Variants in FTO observed in about 807,000 individuals in gnomAD.
FTO encodes the protein FTO alpha-ketoglutarate dependent dioxygenase.
Under a neutral mutation model 63.9 loss-of-function variants are expected in FTO, and 47 were observed. The observed-to-expected ratio is 0.74, with a 90% CI of 0.58 to 0.94. The LOEUF (loss-of-function observed/expected upper bound fraction) is 0.94. Ranked by LOEUF, FTO falls within the 40% of genes least tolerant of loss-of-function variation. The pLI, the probability that FTO is intolerant of heterozygous loss-of-function variation, is 0.00. For synonymous variants in FTO, 207 were observed against 224.4 expected (o/e 0.92, Z 0.69); for missense variants, 562 against 618.1 (o/e 0.91, Z 0.96).
intron 1 of FTO, among the ~76,000 whole-genome samples, chr16:53,799,688 G>A (rs1255447614): frequency 6.6e-6 from 1 of 152,124 alleles, no homozygotes; most frequent in African/African-American, 2.4e-5. Flanking sequence ...ACTTAGCCGA[G>A]GTCTTTTCAC....
At chr16:53,974,430 A>T (rs1008330262) in intron 8 of FTO, among the ~76,000 whole-genome samples, 10 of 152,214 alleles carry the variant, frequency 6.6e-5, no homozygotes, top group Non-Finnish European at 1.2e-4. Flanking sequence ...TGGCTAATAA[A>T]AACATCAAGA....
chr16:53,747,665 T>C (rs2076680645), intron 1 of FTO, among the ~76,000 whole-genome samples: 1 of 152,204 alleles, frequency 6.6e-6, no homozygotes, highest in Admixed American at 6.5e-5. Flanking sequence ...AAGCTTTTTA[T>C]TTTGATGTAA....
intron 1 of FTO, among the ~76,000 whole-genome samples, chr16:53,714,629 A>G (rs2075850407): frequency 6.6e-6 from 1 of 152,162 alleles, no homozygotes; most frequent in Non-Finnish European, 1.5e-5. Flanking sequence ...CTTGTTATTT[A>G]GGTAAATAGT....
chr16:53,904,382 G>A (rs1263516994), intron 7 of FTO, among the ~76,000 whole-genome samples: 1 of 152,170 alleles, frequency 6.6e-6, no homozygotes, highest in South Asian at 2.1e-4. Flanking sequence ...CTTTACCCAG[G>A]CTCCATTCTG....
At chr16:54,060,349 G>A (rs73621717) in intron 8 of FTO, among the ~76,000 whole-genome samples, 368 of 152,284 alleles carry the variant, frequency 2.4e-3, no homozygotes, top group African/African-American at 8.1e-3. Context: ...TGAGTGGCTG[G>A]CCCCAAAATA....
At chr16:54,024,749 A>T (rs1315493783) in intron 8 of FTO, among the ~76,000 whole-genome samples, 2 of 152,190 alleles carry the variant, frequency 1.3e-5, no homozygotes, top group Non-Finnish European at 2.9e-5. Flanking sequence ...TTATATATTT[A>T]AATATCAGGG....
intron 8 of FTO, among the ~76,000 whole-genome samples, chr16:54,054,243 G>A (rs1209350142): frequency 6.6e-6 from 1 of 152,118 alleles, no homozygotes; most frequent in Admixed American, 6.5e-5. Context: ...TAGCATTAGA[G>A]AAATTAACTC....
intron 1 of FTO, among the ~76,000 whole-genome samples, chr16:53,704,669 TGTGTCTTTTAG>T (rs1044907696): frequency 3.9e-5 from 6 of 152,194 alleles, no homozygotes; most frequent in Non-Finnish European, 1.5e-5. Context: ...GATAACAGTT[TGTGTCTTTTAG>T]CGCTGTGGAT....
chr16:53,842,206 A>G (rs2079497445), intron 3 of FTO, among the ~76,000 whole-genome samples: 1 of 152,184 alleles, frequency 6.6e-6, no homozygotes, highest in Admixed American at 6.5e-5. Context: ...TCTGCCCTGG[A>G]AGATCAGAGT....
At chr16:53,994,945 G>A (rs1381781478) in intron 8 of FTO, among the ~76,000 whole-genome samples, 1 of 152,122 alleles carries the variant, frequency 6.6e-6, no homozygotes, top group Non-Finnish European at 1.5e-5. Context: ...TGTTGGCCAG[G>A]CTGGTCTCAA....
chr16:53,960,889 G>A (rs1292512880), intron 8 of FTO, among the ~76,000 whole-genome samples: 2 of 152,100 alleles, frequency 1.3e-5, no homozygotes, highest in African/African-American at 4.8e-5. Flanking sequence ...ATCTATGGGT[G>A]GCATGGTTTC....
chr16:53,849,335 GA>G (rs1338028975), intron 4 of FTO, among the ~76,000 whole-genome samples: 5 of 152,210 alleles, frequency 3.3e-5, no homozygotes, highest in South Asian at 2.1e-4. Flanking sequence ...GACTTGTGAA[GA>G]GTGGGAACTG....
chr16:54,097,055 A>G (rs1422126855), intron 8 of FTO, among the ~76,000 whole-genome samples: 1 of 152,218 alleles, frequency 6.6e-6, no homozygotes, highest in Non-Finnish European at 1.5e-5. Flanking sequence ...TTGCTGCCCT[A>G]GTAGTGAGGA....
intron 2 of FTO, among the ~76,000 whole-genome samples, chr16:53,816,167 G>A (rs11075994): frequency 0.27 from 41,676 of 151,870 alleles, 6,397 homozygotes; most frequent in Non-Finnish European, 0.34. Flanking sequence ...AACACTACAT[G>A]TTCTGTGAAG....
intron 8 of FTO, among the ~76,000 whole-genome samples, chr16:54,073,511 C>T (rs1363917635): frequency 6.6e-6 from 1 of 151,700 alleles, no homozygotes; most frequent in African/African-American, 2.4e-5. Context: ...TAAAATAGTC[C>T]CCGAGAAAGG....
chr16:54,083,662 C>T (rs1306436112), intron 8 of FTO, among the ~76,000 whole-genome samples: 1 of 152,234 alleles, frequency 6.6e-6, no homozygotes, highest in Admixed American at 6.5e-5. Flanking sequence ...TTTTTACACA[C>T]GACACCGCCC....
chr16:53,934,818 C>T (rs539065364), intron 8 of FTO, among the ~76,000 whole-genome samples: 18 of 152,124 alleles, frequency 1.2e-4, no homozygotes, highest in Non-Finnish European at 1.9e-4. Flanking sequence ...TAAGGTTCGC[C>T]GTTGACCAAA....
intron 8 of FTO, chr16:53,935,578 A>G (rs1037207910): frequency 1.3e-5 from 2 of 152,042 alleles, no homozygotes; most frequent in Admixed American, 1.3e-4. Context: ...TTAGAAAAAA[A>G]TGTTTATAAA....
At chr16:54,078,939 T>C (rs965799576) in intron 8 of FTO, among the ~76,000 whole-genome samples, 11 of 152,152 alleles carry the variant, frequency 7.2e-5, no homozygotes, top group Non-Finnish European at 1.2e-4. Context: ...AACTACTCAG[T>C]GTAATATTTT....
Sources: gnomAD v4.1 joint callset for allele counts (sites outside exome capture counted in the v4.1 genomes callset) on GRCh38, gnomAD v4.1.1 for gene constraint, MANE v1.5 for transcripts, NCBI Gene and HGNC (gene_info 2026-07-23, HGNC 2026-07-21) for gene names.